AIRE: variants seen among roughly 807,000 people sequenced by gnomAD.
AIRE encodes autoimmune regulator, also known as autoimmune polyendocrinopathy candidiasis ectodermal dystrophy protein.
A neutral mutation model predicts 62.1 loss-of-function variants in AIRE; 52 were observed. The observed-to-expected ratio is 0.84, with a 90% CI of 0.67 to 1.06. The LOEUF is 1.06. Ranked by LOEUF, AIRE falls within the 50% of genes least tolerant of loss-of-function variation. The pLI, the probability that AIRE is intolerant of heterozygous loss-of-function variation, is 0.00. For synonymous variants in AIRE, 342 were observed against 321.6 expected (o/e 1.06, Z -0.68); for missense variants, 774 against 755.8 (o/e 1.02, Z -0.28).
chr21:44,287,444 C>T lies in AIRE; in HGVS notation c.464-73C>T, dbSNP rs532734160. 859 of 1,106,978 alleles carry T rather than the reference C, an allele frequency of 7.8e-4. No homozygotes were observed. Among genetic ancestry groups the T allele is most frequent in the Non-Finnish European group, 9.5e-4 (707 of 745,596 alleles). The allele number at this position is 1,106,978 out of a possible 1,614,324, so 68.6% of individuals were successfully genotyped here. On this transcript the variant is annotated intron_variant, in intron 3 of 13. Coordinates refer to ENST00000291582, the MANE Select transcript of AIRE (RefSeq NM_000383.4). The surrounding 1 kb of genome is among the most constrained non-coding windows in gnomAD (Gnocchi z 4.3). Reference sequence around the variant, plus strand: ...GACCGCCCCCTCCACGCCCTCCCACCGCGGGCCCCTGCCCACCGGCACTCA... The same window carrying T: ...GACCGCCCCCTCCACGCCCTCCCACTGCGGGCCCCTGCCCACCGGCACTCA...
Position 44,287,177 on chromosome 21 carries a change from C to T in AIRE, c.463+44C>T, listed in dbSNP as rs1267875165. 12 of 1,605,672 alleles carry T rather than the reference C, an allele frequency of 7.5e-6. No homozygotes were observed. The highest frequency in any genetic ancestry group is 1.0e-5 in the Non-Finnish European group (12 of 1,178,266). ...AAGCCAGCCAGGGTCTCCAGTCTTC[C>T]CGGGCTTCCCCGGGAGCCCACGCCC... is the stretch of plus-strand genomic sequence containing the variant. On this transcript the variant is annotated intron_variant, in intron 3 of 13. Transcript: ENST00000291582. The surrounding 1 kb of genome is among the most constrained non-coding windows in gnomAD (Gnocchi z 4.3).
intron 11 of AIRE, 33 bp from the exon 12 acceptor site, chr21:44,294,368 C>A (rs755506328): frequency 6.8e-7 from 1 of 1,478,362 alleles, no homozygotes; most frequent in East Asian, 2.4e-5. Flanking sequence ...CTGCTCCCCC[C>A]CAGGGCTGGC....
rs2040484477 is a variant in AIRE, at chr21:44,286,591, C to T, written c.167C>T (p.Pro56Leu). 6.2e-7 allele frequency: 1 copy of T among 1,612,754 alleles called. No homozygotes were observed. The highest frequency in any genetic ancestry group is 1.1e-5 in the South Asian group (1 of 91,082). The stretch of plus-strand genomic sequence containing the variant: ...CATCTGAAGGAAAAGGAGGGCTGCC[C>T]CCAGGCCTTCCACGCCCTCCTGTCC... ...TLHLKEKEGC[P>L]QAFHALLSWL... Residue 56 changes from proline to leucine, a missense_variant, in exon 2 of 14, where the codon CCC (proline) becomes CTC (leucine). This residue lies in a region of AIRE where 385 missense variants were observed against 396.0 expected (regional missense o/e 0.97). Coordinates refer to ENST00000291582, the MANE Select transcript of AIRE (RefSeq NM_000383.4). The surrounding 1 kb of genome is among the most constrained non-coding windows in gnomAD (Gnocchi z 6.0).
In AIRE at chr21:44,287,724, G is replaced by A. The variant is rs1016402422; in HGVS notation, c.538+133G>A. 5.1e-6 allele frequency: 5 copies of A among 973,844 alleles called. No homozygotes were observed. The highest frequency in any genetic ancestry group is 7.9e-6 in the Non-Finnish European group (5 of 636,228). 60.3% of individuals were successfully genotyped at this position (973,844 alleles called of 1,614,324 possible). On this transcript the variant is annotated intron_variant, in intron 4 of 13. Transcript: ENST00000291582. The surrounding 1 kb of genome is among the most constrained non-coding windows in gnomAD (Gnocchi z 4.3). ...GTGCTGGCCTGGTGTGTCATTCCAAGGGCCTAAGCTGCACCACCAGACCCA... is the reference window on the plus strand; with the variant it reads ...GTGCTGGCCTGGTGTGTCATTCCAAAGGCCTAAGCTGCACCACCAGACCCA...
chr21:44,295,806 C>T (rs1272272959), intron 12 of AIRE, among the ~76,000 whole-genome samples: 1 of 151,970 alleles, frequency 6.6e-6, no homozygotes, highest in Non-Finnish European at 1.5e-5. Flanking sequence ...CTTTCCCCTC[C>T]AGACCGGGCA....
intron 10 of AIRE, among the ~76,000 whole-genome samples, chr21:44,293,434 G>A (rs991805940): frequency 5.7e-4 from 87 of 152,094 alleles, no homozygotes; most frequent in African/African-American, 1.9e-3. Context: ...CCCAGCACAC[G>A]TGGGAGCCCT....
rs74162064 is a variant in AIRE, at chr21:44,293,145, C to A, written c.1248C>A (p.Pro416=). ...GGCTGGACTCCTCGGCCCTGCACCC[C>A]CTACTGTGTGTGGGTCCTGAGGGTC... ...LPGLDSSALH[P]LLCVGPEGQQ... Residue 416 remains proline, a synonymous_variant, in exon 10 of 14, where the codon CCC becomes CCA. Coordinates refer to ENST00000291582, the MANE Select transcript of AIRE (RefSeq NM_000383.4). 1.3e-6 allele frequency: 2 copies of A among 1,581,504 alleles called. No individual in the cohort carries two copies. The highest frequency in any genetic ancestry group is 1.7e-6 in the Non-Finnish European group (2 of 1,164,002).
At chr21:44,292,227 C>A in intron 8 of AIRE, 75 bp from the exon 9 acceptor site, 1 of 1,208,790 alleles carries the variant, frequency 8.3e-7, no homozygotes, top group Non-Finnish European at 1.2e-6. Flanking sequence ...AGCCCTGGAG[C>A]TCCACCCGTG....
chr21:44,294,543 G>C, intron 12 of AIRE, 40 bp downstream of exon 12: 1 of 1,213,854 alleles, frequency 8.2e-7, no homozygotes, highest in Non-Finnish European at 1.1e-6. Context: ...CCGGTGCTGG[G>C]GGTGGGGAAC....
rs1408358988 is a variant in AIRE, at chr21:44,293,986, A to T, written c.1400+76A>T. ...ACCCCACCCCACACTCCCCACCCAC[A>T]TCATACAGCCCACAACCACACCCCA... On this transcript the variant is annotated intron_variant, in intron 11 of 13. Transcript: ENST00000291582. 3.8e-5 allele frequency: 50 copies of T among 1,307,300 alleles called. No homozygotes were observed. The East Asian group carries it at 1.7e-3, about 45-fold the overall frequency. The allele number at this position is 1,307,300 out of a possible 1,614,324, so 81.0% of individuals were successfully genotyped here.
Position 44,293,109 on chromosome 21 carries a change from CCCGCTGCCA to C in AIRE, c.1213_1221del (p.Pro405_Pro407del). 1 of 1,606,808 alleles carries C rather than the reference CCCGCTGCCA, an allele frequency of 6.2e-7. No individual in the cohort carries two copies. The highest frequency in any genetic ancestry group is 8.5e-7 in the Non-Finnish European group (1 of 1,177,488). On this transcript the variant is annotated inframe_deletion, in exon 10 of 14. Coordinates refer to ENST00000291582, the MANE Select transcript of AIRE (RefSeq NM_000383.4). Reference sequence around the variant, plus strand: ...ACCTGCCGGCTCCGCCTTCTGCAGCCCCGCTGCCAGGGCTGGACTCCTCGGCCCTGCACC... The same window carrying C: ...ACCTGCCGGCTCCGCCTTCTGCAGCCGGGCTGGACTCCTCGGCCCTGCACC...
In AIRE at chr21:44,291,036, C is replaced by T. The variant is rs1340148692; in HGVS notation, c.880-59C>T. 3.1e-6 allele frequency: 5 copies of T among 1,613,354 alleles called. No homozygotes were observed. In the African/African-American group the frequency reaches 6.7e-5, roughly 22 times the overall value. The stretch of plus-strand genomic sequence containing the variant: ...GGGAGCTGTTTTGGGAAGGAGGTGG[C>T]TCTCAGGAGGGTGCTGCACCCCAGC... On this transcript the variant is annotated intron_variant, in intron 7 of 13. Coordinates refer to ENST00000291582, the MANE Select transcript of AIRE (RefSeq NM_000383.4).
Position 44,291,092 on chromosome 21 carries a change from C to A in AIRE, c.880-3C>A. On this transcript the variant is annotated splice_region_variant and splice_polypyrimidine_tract_variant and intron_variant, in intron 7 of 13. Coordinates refer to ENST00000291582, the MANE Select transcript of AIRE (RefSeq NM_000383.4). The stretch of plus-strand genomic sequence containing the variant: ...CTGCATGGGCGTCTCTTGCCTGTGC[C>A]AGAAGAATGAGGACGAGTGTGCCGT... The A allele has an allele frequency of 6.2e-7, 1 of 1,613,086 alleles. No homozygotes were observed.
At position 44,286,913 on chromosome 21, in the gene AIRE, G is replaced by C. The variant is rs2040487676; in HGVS notation, c.308-65G>C. ...CTGTCTGGCCAAGGTGTCCAGTTCT[G>C]GGGCCCACCCTACCCCTGGAGAAAA... is the stretch of plus-strand genomic sequence containing the variant. On this transcript the variant is annotated intron_variant, in intron 2 of 13. Transcript: ENST00000291582. This position sits in a 1 kb window ranked among gnomAD's most constrained non-coding sequence, Gnocchi z 6.0. The C allele has an allele frequency of 2.5e-6, 4 of 1,608,894 alleles. No homozygotes were observed. Among genetic ancestry groups the C allele is most frequent in the Admixed American group, 3.3e-5 (2 of 59,992 alleles).
chr21:44,287,259 G>T lies in AIRE; in HGVS notation c.463+126G>T. On this transcript the variant is annotated intron_variant, in intron 3 of 13. Transcript: ENST00000291582. This position sits in a 1 kb window ranked among gnomAD's most constrained non-coding sequence, Gnocchi z 4.3. ...TGGGGCCAGCCTGCCTGGGGCTGTG[G>T]GGGTCTCCTCTGGGTACTAGACCCA... 1 of 1,212,398 alleles carries T rather than the reference G, an allele frequency of 8.2e-7. No individual in the cohort carries two copies. The highest frequency in any genetic ancestry group is 1.2e-6 in the Non-Finnish European group (1 of 859,344). The allele number at this position is 1,212,398 out of a possible 1,614,324, so 75.1% of individuals were successfully genotyped here.
rs1228261987 is a variant in AIRE at position 44,296,569 on chromosome 21, G to C, written c.1566+124G>C. 5.3e-6 allele frequency: 5 copies of C among 946,002 alleles called. No homozygotes were observed. The Admixed American group carries it at 9.6e-5, about 18-fold the overall frequency. The allele number at this position is 946,002 out of a possible 1,614,324, so 58.6% of individuals were successfully genotyped here. The stretch of plus-strand genomic sequence containing the variant: ...ACTGCTCTTGAGCCGTGGAAACTCA[G>C]GCTGTCCCTGCTCCACCCACCAGGA... On this transcript the variant is annotated intron_variant, in intron 13 of 13. Coordinates refer to ENST00000291582, the MANE Select transcript of AIRE (RefSeq NM_000383.4).
In AIRE at chr21:44,297,643, C is replaced by T; in HGVS notation, c.1567-13C>T. On this transcript the variant is annotated splice_polypyrimidine_tract_variant and intron_variant, in intron 13 of 13. Transcript: ENST00000291582. This position sits in a 1 kb window ranked among gnomAD's most constrained non-coding sequence, Gnocchi z 4.8. Reference sequence around the variant, plus strand: ...GCGCACCTGGAGGTTCTCACCGTCACTCTGTCCCGCAGCACACCTTCGATG... The same window carrying T: ...GCGCACCTGGAGGTTCTCACCGTCATTCTGTCCCGCAGCACACCTTCGATG... 6.8e-6 allele frequency: 11 copies of T among 1,609,266 alleles called. No homozygotes were observed. Among genetic ancestry groups the T allele is most frequent in the Non-Finnish European group, 9.3e-6 (11 of 1,177,642 alleles).
intron 12 of AIRE, among the ~76,000 whole-genome samples, chr21:44,295,405 C>G (rs2040595653): frequency 6.6e-6 from 1 of 152,214 alleles, no homozygotes; most frequent in South Asian, 2.1e-4. Flanking sequence ...GCCCTTGGGG[C>G]TTTTGTGGAA....
intron 4 of AIRE, among the ~76,000 whole-genome samples, 193 bp from the exon 5 acceptor site, chr21:44,288,152 G>A (rs1017830568): frequency 2.6e-5 from 4 of 152,162 alleles, no homozygotes; most frequent in East Asian, 3.8e-4. Flanking sequence ...GTGCACACAC[G>A]AACACACACA....
Sources: gnomAD v4.1 joint callset for allele counts (sites outside exome capture counted in the v4.1 genomes callset) on GRCh38, gnomAD v4.1.1 for gene constraint, gnomAD v4.1.1 regional missense constraint, Gnocchi (gnomAD v3.1) non-coding constraint, MANE v1.5 for transcripts, NCBI Gene and HGNC (gene_info 2026-07-23, HGNC 2026-07-21) for gene names.